Variants in EYS observed in about 807,000 individuals in gnomAD.
EYS encodes the protein protein eyes shut homolog.
EYS carries 250 observed loss-of-function variants against 282.1 expected under a neutral mutation model. The ratio of observed to expected loss-of-function variants is 0.89; its 90% CI spans 0.80 to 0.98. The LOEUF (loss-of-function observed/expected upper bound fraction) is 0.98, where lower values mean the gene tolerates loss of function less well. Among genes scored for constraint, EYS ranks in the 50% least tolerant of loss-of-function variants. The probability of loss-of-function intolerance (pLI) is 0.00; values close to 1 mark genes in which losing one functional copy is unlikely to be tolerated. For missense variants in EYS, 4,016 were observed against 3,709.0 expected (o/e 1.08, Z -2.15); for synonymous variants, 1,355 against 1,282.9 (o/e 1.06, Z -1.20).
chr6:65,163,512 G>A (rs1358427150), intron 12 of EYS, among the ~76,000 whole-genome samples: 2 of 151,024 alleles, frequency 1.3e-5, no homozygotes, highest in Admixed American at 6.6e-5. Flanking sequence ...GACATTCTGG[G>A]CCAGTGTACT....
intron 12 of EYS, among the ~76,000 whole-genome samples, chr6:65,257,988 A>G (rs1190674783): frequency 2.6e-5 from 4 of 152,068 alleles, no homozygotes; most frequent in Admixed American, 6.6e-5. Flanking sequence ...AAAACTAAAA[A>G]AGTGGAATTG....
At chr6:65,297,102 T>A (rs2150287140) in intron 11 of EYS, among the ~76,000 whole-genome samples, 1 of 151,518 alleles carries the variant, frequency 6.6e-6, no homozygotes, top group Admixed American at 6.6e-5. Context: ...TTAATATAAA[T>A]TCTTAGATCA....
intron 2 of EYS, among the ~76,000 whole-genome samples, chr6:65,590,872 A>G (rs1430752875): frequency 6.7e-6 from 1 of 149,240 alleles, no homozygotes; most frequent in Admixed American, 6.7e-5. Context: ...TTTTTTATCC[A>G]TTCTTCAGTT....
chr6:65,696,087 T>TAAAAC (rs1431623809), intron 1 of EYS, among the ~76,000 whole-genome samples: 1 of 151,926 alleles, frequency 6.6e-6, no homozygotes, highest in South Asian at 2.1e-4. Flanking sequence ...AGCAATCCTA[T>TAAAAC]AAAACAAAAC....
At chr6:64,029,025 T>C (rs1213101492) in intron 33 of EYS, among the ~76,000 whole-genome samples, 1 of 152,150 alleles carries the variant, frequency 6.6e-6, no homozygotes, top group Non-Finnish European at 1.5e-5. Context: ...TTGTGGACTA[T>C]GGATCCCCAG....
chr6:64,385,080 T>C (rs904442694), intron 29 of EYS, among the ~76,000 whole-genome samples: 1 of 152,222 alleles, frequency 6.6e-6, no homozygotes, highest in Non-Finnish European at 1.5e-5. Flanking sequence ...AACAGCCTAC[T>C]GTGCTTAAAC....
At chr6:64,650,300 T>G (rs1768512368) in intron 22 of EYS, among the ~76,000 whole-genome samples, 1 of 151,892 alleles carries the variant, frequency 6.6e-6, no homozygotes, top group Non-Finnish European at 1.5e-5. Context: ...AGAATTAAAA[T>G]TATATTAATA....
In EYS at chr6:65,689,789, C is replaced by T. The variant is rs1049232337; in HGVS notation, c.-448+17346G>A. On this transcript the variant is annotated intron_variant, in intron 1 of 42. Coordinates refer to ENST00000503581, the MANE Select transcript of EYS (RefSeq NM_001142800.2). The stretch of plus-strand genomic sequence containing the variant: ...TGTGCCATGGTGGTTTGCTGCACCC[C>T]TCAACCCAACATCGCCAGATATTGT... Among the ~76,000 whole-genome samples, 2 of 149,742 alleles carry T rather than the reference C, an allele frequency of 1.3e-5. 1 individual carries two copies. The highest frequency in any genetic ancestry group is 4.7e-4 in the East Asian group (2 of 4,280).
intron 26 of EYS, among the ~76,000 whole-genome samples, chr6:64,446,385 T>C (rs1471926494): frequency 6.6e-6 from 1 of 151,960 alleles, no homozygotes; most frequent in Non-Finnish European, 1.5e-5. Context: ...TTAGAAGAAA[T>C]GAATAATAGA....
At chr6:64,710,894 C>A (rs1358367635) in intron 22 of EYS, among the ~76,000 whole-genome samples, 1 of 152,184 alleles carries the variant, frequency 6.6e-6, no homozygotes, top group Non-Finnish European at 1.5e-5. Context: ...TCAAAAGCAG[C>A]AGCCTGGTCT....
intron 26 of EYS, among the ~76,000 whole-genome samples, chr6:64,562,376 A>C (rs1765425072): frequency 6.6e-6 from 1 of 151,956 alleles, no homozygotes; most frequent in African/African-American, 2.4e-5. Flanking sequence ...AGTGGAAAGT[A>C]CATTTTTAAA....
intron 5 of EYS, among the ~76,000 whole-genome samples, chr6:65,428,851 CACATGAGGCACCA>C (rs1179858170): frequency 6.6e-6 from 1 of 152,012 alleles, no homozygotes; most frequent in Non-Finnish European, 1.5e-5. Flanking sequence ...ATAAATCCCC[CACATGAGGCACCA>C]ATATGAAATT....
At chr6:64,500,733 A>T (rs1400537858) in intron 26 of EYS, among the ~76,000 whole-genome samples, 1 of 152,120 alleles carries the variant, frequency 6.6e-6, no homozygotes, top group Non-Finnish European at 1.5e-5. Context: ...AGTGTGGTAA[A>T]TTGTTACCAC....
chr6:64,245,920 G>A (rs1009341849), intron 30 of EYS, among the ~76,000 whole-genome samples: 1 of 149,222 alleles, frequency 6.7e-6, no homozygotes, highest in African/African-American at 2.5e-5. Context: ...ACGGGAGGCT[G>A]AGGCAGGAGA....
intron 26 of EYS, among the ~76,000 whole-genome samples, chr6:64,533,669 TA>T (rs1764426130): frequency 6.6e-6 from 1 of 151,988 alleles, no homozygotes; most frequent in South Asian, 2.1e-4. Flanking sequence ...GGCATATTTA[TA>T]ATATAAAAAT....
intron 33 of EYS, among the ~76,000 whole-genome samples, chr6:64,033,015 G>A (rs1233495766): frequency 6.6e-5 from 10 of 152,180 alleles, no homozygotes; most frequent in Non-Finnish European, 1.2e-4. Flanking sequence ...CTTTTGTCAG[G>A]AAGAGGGGCT....
At chr6:63,957,307 G>A (rs1765870009) in intron 35 of EYS, among the ~76,000 whole-genome samples, 1 of 140,774 alleles carries the variant, frequency 7.1e-6, no homozygotes, top group Middle Eastern at 3.7e-3. Context: ...TTATGTGCAA[G>A]AGCTGGAACA....
intron 14 of EYS, among the ~76,000 whole-genome samples, chr6:64,950,806 T>C (rs1327627950): frequency 7.7e-5 from 7 of 91,034 alleles, no homozygotes; most frequent in African/African-American, 3.0e-4. Flanking sequence ...TACATATATA[T>C]ATATATATAT....
chr6:64,925,081 A>G (rs1247628036), intron 15 of EYS, among the ~76,000 whole-genome samples: 1 of 152,166 alleles, frequency 6.6e-6, no homozygotes, highest in Non-Finnish European at 1.5e-5. Context: ...GAAGAAAAAG[A>G]GGCTTAATTG....
Sources: allele counts gnomAD v4.1 joint callset (sites outside exome capture counted in the v4.1 genomes callset), GRCh38; gene constraint gnomAD v4.1.1; transcripts MANE v1.5; gene names NCBI Gene and HGNC (gene_info 2026-07-23, HGNC 2026-07-21).